The following RIMS4 variants were observed in gnomAD, a reference collection of about 807,000 sequenced individuals.
The protein encoded by RIMS4 is regulating synaptic membrane exocytosis 4.
A neutral mutation model predicts 29.0 loss-of-function variants in RIMS4; 9 were observed. The observed-to-expected ratio is 0.31, with a 90% CI of 0.19 to 0.54. The LOEUF is 0.54. RIMS4 is among the 20% of genes least tolerant of loss of function. The pLI is 0.94. For synonymous variants in RIMS4, 130 were observed against 152.9 expected, an observed-to-expected ratio of 0.85 and a Z score of 1.10; for missense variants, 193 against 365.7, an observed-to-expected ratio of 0.53 and a Z score of 3.85.
intron 1 of RIMS4, among the ~76,000 whole-genome samples, chr20:44,792,321 T>C (rs1044934061): frequency 1.3e-5 from 2 of 152,028 alleles, no homozygotes; most frequent in African/African-American, 4.8e-5. Flanking sequence ...AGACAGAGTT[T>C]CGCTCTTGTT....
rs2066062577 is a variant in RIMS4 at position 44,756,808 on chromosome 20, C to A, written c.591+90G>T. ...CTCCAGGCGAGGCCCTCCAGAGACA[C>A]CCCCCGCCAGGGGTGCCCTCCTCTC... On this transcript the variant is annotated intron_variant, in intron 5 of 5. Coordinates refer to ENST00000372851, the MANE Select transcript of RIMS4 (RefSeq NM_182970.4). The surrounding 1 kb of genome is among the most constrained non-coding windows in gnomAD (Gnocchi z 5.9). 12 of 1,350,762 alleles carry A rather than the reference C, an allele frequency of 8.9e-6. No homozygotes were observed. The highest frequency in any genetic ancestry group is 1.5e-5 in the African/African-American group (1 of 68,570). 83.7% of individuals were successfully genotyped at this position (1,350,762 alleles called of 1,614,324 possible).
intron 1 of RIMS4, among the ~76,000 whole-genome samples, chr20:44,809,633 T>C (rs2066314286): frequency 6.6e-6 from 1 of 152,156 alleles, no homozygotes; most frequent in South Asian, 2.1e-4. Flanking sequence ...AGCAGGAGTC[T>C]GGAGCCCCAG....
chr20:44,794,431 C>T (rs1010205724), intron 1 of RIMS4, among the ~76,000 whole-genome samples: 1 of 152,092 alleles, frequency 6.6e-6, no homozygotes, highest in East Asian at 1.9e-4. Context: ...AACTAAAGAG[C>T]GGTTTTCCTG....
At chr20:44,800,065 G>A (rs541809853) in intron 1 of RIMS4, among the ~76,000 whole-genome samples, 1 of 152,290 alleles carries the variant, frequency 6.6e-6, no homozygotes, top group African/African-American at 2.4e-5. Flanking sequence ...GCCAATAAGC[G>A]GCAGAGCCAA....
chr20:44,764,282 G>A (rs6031786), intron 2 of RIMS4, among the ~76,000 whole-genome samples: 144,889 of 144,890 alleles, frequency 1, 72,444 homozygotes, highest in Middle Eastern at 1. Flanking sequence ...AGCCTACAAT[G>A]CAATCAATTC....
chr20:44,794,123 G>A (rs1304931807), intron 1 of RIMS4, among the ~76,000 whole-genome samples: 2 of 152,218 alleles, frequency 1.3e-5, no homozygotes, highest in Non-Finnish European at 2.9e-5. Context: ...AGCCAGGTCT[G>A]ATATTCACCA....
rs375423763 is a variant in RIMS4, at chr20:44,756,374, G to C, written c.592-22C>G. The C allele has an allele frequency of 3.7e-6, 6 of 1,602,688 alleles. No individual in the cohort carries two copies. Among genetic ancestry groups the C allele is most frequent in the Non-Finnish European group, 4.3e-6 (5 of 1,172,658 alleles). On this transcript the variant is annotated intron_variant, in intron 5 of 5. Transcript: ENST00000372851. This position sits in a 1 kb window ranked among gnomAD's most constrained non-coding sequence, Gnocchi z 5.9. ...TCACCTGTGGGGCAAGAGACACAGT[G>C]GTTCAAATCCTGCCAGTGCCACTCA...
At chr20:44,771,088 C>T (rs988311762) in intron 2 of RIMS4, among the ~76,000 whole-genome samples, 187 bp downstream of exon 2, 2 of 152,212 alleles carry the variant, frequency 1.3e-5, no homozygotes, top group East Asian at 1.9e-4. Context: ...CAGCGGGGCT[C>T]GCTCTCCCTC....
At chr20:44,776,709 G>A (rs981923724) in intron 1 of RIMS4, among the ~76,000 whole-genome samples, 2 of 152,092 alleles carry the variant, frequency 1.3e-5, no homozygotes, top group African/African-American at 2.4e-5. Flanking sequence ...AGGTGGGCTG[G>A]GACACACGGT....
chr20:44,786,582 G>A (rs570382016), intron 1 of RIMS4, among the ~76,000 whole-genome samples: 23 of 152,344 alleles, frequency 1.5e-4, no homozygotes, highest in African/African-American at 1.9e-4. Context: ...TAGGGTGGAA[G>A]ACAGACAGCA....
intron 1 of RIMS4, among the ~76,000 whole-genome samples, chr20:44,791,413 C>G (rs532518720): frequency 1.6e-3 from 238 of 152,308 alleles, no homozygotes; most frequent in African/African-American, 5.3e-3. Flanking sequence ...CTAATTTCTT[C>G]ATCTGTAAAG....
At chr20:44,763,336 TG>T (rs1422950025) in intron 2 of RIMS4, among the ~76,000 whole-genome samples, 1 of 152,238 alleles carries the variant, frequency 6.6e-6, no homozygotes, top group Admixed American at 6.5e-5. Context: ...AGAGAGCTAG[TG>T]TAGGCAAGGT....
rs2066050339 is a variant in RIMS4, at chr20:44,754,638, G to C, written c.*1496C>G. ...GGAAGGGGGCGGAGGAGGAGGGGCT[G>C]GCCTCCTGTGAGCCAGGCTGCCCCA... On this transcript the variant is annotated 3_prime_UTR_variant, in exon 6 of 6. Transcript: ENST00000372851. 1 of 152,882 alleles carries C rather than the reference G, an allele frequency of 6.5e-6. No homozygotes were observed. The allele number at this position is 152,882 out of a possible 1,614,324, so 9.5% of individuals were successfully genotyped here. A position where few individuals can be genotyped will look rare whatever the true frequency, so the allele number is the denominator to read the frequency against.
intron 1 of RIMS4, among the ~76,000 whole-genome samples, chr20:44,784,421 A>G (rs2066198852): frequency 1.3e-5 from 2 of 152,298 alleles, no homozygotes; most frequent in Admixed American, 1.3e-4. Flanking sequence ...AGTTAAGACC[A>G]CCTGAAACCA....
chr20:44,767,878 A>T (rs566666745), intron 2 of RIMS4, among the ~76,000 whole-genome samples: 37 of 152,356 alleles, frequency 2.4e-4, no homozygotes, highest in African/African-American at 8.9e-4. Context: ...CTCTACCTTA[A>T]TGTGCATACA....
At chr20:44,786,222 A>C (rs1187933770) in intron 1 of RIMS4, among the ~76,000 whole-genome samples, 5 of 152,198 alleles carry the variant, frequency 3.3e-5, no homozygotes, top group Non-Finnish European at 7.3e-5. Context: ...GCTCAGGCAG[A>C]AGCTGAAATA....
At chr20:44,784,679 T>C (rs1439882823) in intron 1 of RIMS4, among the ~76,000 whole-genome samples, 1 of 152,240 alleles carries the variant, frequency 6.6e-6, no homozygotes, top group Non-Finnish European at 1.5e-5. Context: ...CTCCTACTCC[T>C]TGGATGAGCA....
chr20:44,755,445 G>C lies in RIMS4; in HGVS notation c.*689C>G, dbSNP rs1297434265. The stretch of plus-strand genomic sequence containing the variant: ...GCAATCCCATGGAGCGAGGCACCTA[G>C]GGGTCTGTGCCAGGCCCCCGGCACC... On this transcript the variant is annotated 3_prime_UTR_variant, in exon 6 of 6. Transcript: ENST00000372851. 1 of 152,726 alleles carries C rather than the reference G, an allele frequency of 6.5e-6. No individual in the cohort carries two copies. The highest frequency in any genetic ancestry group is 1.5e-5 in the Non-Finnish European group (1 of 68,102). The allele number at this position is 152,726 out of a possible 1,614,324, so 9.5% of individuals were successfully genotyped here.
At chr20:44,789,189 T>C (rs544850936) in intron 1 of RIMS4, among the ~76,000 whole-genome samples, 33 of 152,304 alleles carry the variant, frequency 2.2e-4, no homozygotes, top group African/African-American at 7.5e-4. Context: ...CTGTCTGAAT[T>C]TAAAATCTCT....
Sources: gnomAD v4.1 joint callset for allele counts (sites outside exome capture counted in the v4.1 genomes callset) on GRCh38, gnomAD v4.1.1 for gene constraint, Gnocchi (gnomAD v3.1) non-coding constraint, MANE v1.5 for transcripts, NCBI Gene and HGNC (gene_info 2026-07-23, HGNC 2026-07-21) for gene names.